NPAS3: variants seen among roughly 807,000 people sequenced by gnomAD.
NPAS3 encodes neuronal PAS domain-containing protein 3.
In NPAS3, 14 loss-of-function variants were observed where a neutral mutation model predicts 73.1. That is an observed-to-expected ratio of 0.19 (90% confidence interval 0.13 to 0.30). The LOEUF (loss-of-function observed/expected upper bound fraction) is 0.30. Among genes scored for constraint, NPAS3 ranks in the 10% least tolerant of loss-of-function variants. The pLI, the probability that NPAS3 is intolerant of heterozygous loss-of-function variation, is 1.00. For synonymous variants in NPAS3, 620 were observed against 541.5 expected (o/e 1.14, Z -2.01); for missense variants, 1,096 against 1,250.0 (o/e 0.88, Z 1.86).
chr14:33,747,449 A>G (rs540633544), intron 7 of NPAS3, among the ~76,000 whole-genome samples: 276 of 152,344 alleles, frequency 1.8e-3, no homozygotes, highest in African/African-American at 6.2e-3. Flanking sequence ...ACAAGGGACC[A>G]ATTTTATCTG....
chr14:32,992,449 C>T (rs2038372770), intron 1 of NPAS3, among the ~76,000 whole-genome samples: 1 of 152,128 alleles, frequency 6.6e-6, no homozygotes, highest in African/African-American at 2.4e-5. Flanking sequence ...CACCCAGGTA[C>T]AGGTAGTGTC....
At position 33,211,054 on chromosome 14, in the gene NPAS3, G is replaced by A. The variant is rs187331881; in HGVS notation, c.141-4128G>A. 1.2e-3 allele frequency among the ~76,000 whole-genome samples: 181 copies of A among 152,232 alleles called. 1 individual carries two copies. Among genetic ancestry groups the A allele is most frequent in the Non-Finnish European group, 2.1e-3 (142 of 68,008 alleles). On this transcript the variant is annotated intron_variant, in intron 2 of 11. Coordinates refer to ENST00000356141, the Ensembl canonical transcript of NPAS3. ...GTGAGCTTAGGTTTTCATTTAACAT[G>A]TCTTATACAGCATTACTATGTGTCA...
At chr14:33,262,640 C>T (rs1042078090) in intron 3 of NPAS3, among the ~76,000 whole-genome samples, 2 of 152,004 alleles carry the variant, frequency 1.3e-5, no homozygotes, top group Non-Finnish European at 2.9e-5. Flanking sequence ...GATTCATCAA[C>T]TCAACAAGAT....
intron 1 of NPAS3, among the ~76,000 whole-genome samples, chr14:32,982,492 T>C (rs941653611): frequency 5.3e-5 from 8 of 152,118 alleles, no homozygotes; most frequent in Admixed American, 2.6e-4. Flanking sequence ...GGAGGATTGC[T>C]TGAGCCCAGG....
At chr14:33,293,087 C>T (rs968665549) in intron 3 of NPAS3, among the ~76,000 whole-genome samples, 2 of 152,130 alleles carry the variant, frequency 1.3e-5, no homozygotes, top group Admixed American at 6.5e-5. Context: ...TTCCTTAGAA[C>T]TGAGCATCTC....
At chr14:33,451,368 G>A (rs955016435) in intron 4 of NPAS3, among the ~76,000 whole-genome samples, 4 of 152,206 alleles carry the variant, frequency 2.6e-5, no homozygotes, top group African/African-American at 7.2e-5. Context: ...TCTGAGTCAT[G>A]TGACCTTGGC....
intron 4 of NPAS3, among the ~76,000 whole-genome samples, chr14:33,381,458 T>A (rs1016461374): frequency 6.6e-6 from 1 of 152,168 alleles, no homozygotes; most frequent in African/African-American, 2.4e-5. Context: ...ACTAATCAGT[T>A]TGGGGAATTT....
At chr14:33,455,531 T>C (rs752836360) in intron 4 of NPAS3, among the ~76,000 whole-genome samples, 3 of 152,240 alleles carry the variant, frequency 2.0e-5, no homozygotes, top group Non-Finnish European at 4.4e-5. Flanking sequence ...TGACCCATGT[T>C]TGAGAAACTA....
chr14:33,292,797 T>TCC (rs2140116839), intron 3 of NPAS3, among the ~76,000 whole-genome samples: 1 of 152,306 alleles, frequency 6.6e-6, no homozygotes, highest in South Asian at 2.1e-4. Flanking sequence ...ATTTCTAGTG[T>TCC]CCCATTCAAA....
chr14:33,428,581 A>G (rs2048651014), intron 4 of NPAS3, among the ~76,000 whole-genome samples: 1 of 152,104 alleles, frequency 6.6e-6, no homozygotes, highest in South Asian at 2.1e-4. Context: ...AACTAATTTA[A>G]TCTGGTTGAT....
intron 1 of NPAS3, among the ~76,000 whole-genome samples, chr14:33,050,437 G>T (rs1178426210): frequency 6.6e-6 from 1 of 152,002 alleles, no homozygotes; most frequent in Non-Finnish European, 1.5e-5. Context: ...TCCTTCAATG[G>T]GTCATCACCT....
chr14:32,953,272 A>G (rs2036555349), intron 1 of NPAS3, among the ~76,000 whole-genome samples: 1 of 152,152 alleles, frequency 6.6e-6, no homozygotes. Context: ...GAACCAAACC[A>G]CGTTAGACTT....
At chr14:33,478,563 TA>T (rs1288662241) in intron 4 of NPAS3, among the ~76,000 whole-genome samples, 1 of 152,172 alleles carries the variant, frequency 6.6e-6, no homozygotes, top group Non-Finnish European at 1.5e-5. Flanking sequence ...ACAGATGAAG[TA>T]AAATTTGATT....
intron 4 of NPAS3, among the ~76,000 whole-genome samples, chr14:33,375,809 C>A (rs1005515345): frequency 6.6e-6 from 1 of 152,042 alleles, no homozygotes; most frequent in East Asian, 1.9e-4. Flanking sequence ...ATGAATGAAT[C>A]GTAAGTTTGG....
intron 4 of NPAS3, among the ~76,000 whole-genome samples, chr14:33,409,815 T>C (rs59240963): frequency 1.3e-5 from 2 of 152,318 alleles, no homozygotes; most frequent in East Asian, 3.9e-4. Context: ...GGAATTTCAT[T>C]GTTTCCTACC....
At chr14:33,097,532 T>C (rs543086979) in intron 2 of NPAS3, among the ~76,000 whole-genome samples, 1 of 152,336 alleles carries the variant, frequency 6.6e-6, no homozygotes, top group African/African-American at 2.4e-5. Context: ...TCATTTCTGC[T>C]GGTTATATAT....
intron 3 of NPAS3, among the ~76,000 whole-genome samples, chr14:33,348,629 G>T (rs913179288): frequency 3.3e-5 from 5 of 152,038 alleles, no homozygotes; most frequent in Admixed American, 1.3e-4. Flanking sequence ...GATCTTCTTG[G>T]TAGAATGTGG....
rs8006279 is a variant in NPAS3, at chr14:33,784,752, T to A, written c.1153+6180T>A. Among the ~76,000 whole-genome samples the A allele has an allele frequency of 6.4e-3, 724 of 112,592 alleles. 13 individuals are homozygous for A. Among genetic ancestry groups the A allele is most frequent in the African/African-American group, 0.025 (634 of 25,790 alleles). 73.9% of individuals were successfully genotyped at this position (112,592 alleles called of 152,430 possible). ...TTATTTATTTATTTATTTATTTTTT[T>A]TTTTTTTTTTTTTTTGAGACAGAGT... On this transcript the variant is annotated intron_variant, in intron 9 of 11. Transcript: ENST00000356141.
chr14:33,631,404 A>G (rs1243503820), intron 5 of NPAS3, among the ~76,000 whole-genome samples: 2 of 152,218 alleles, frequency 1.3e-5, no homozygotes, highest in Non-Finnish European at 2.9e-5. Context: ...TTGCTATTGG[A>G]TGGTAAGCCA....
Sources: allele counts gnomAD v4.1 joint callset (sites outside exome capture counted in the v4.1 genomes callset), GRCh38; gene constraint gnomAD v4.1.1; transcripts MANE v1.5; gene names NCBI Gene and HGNC (gene_info 2026-07-23, HGNC 2026-07-21).